SNRNP200: variants seen among roughly 807,000 people sequenced by gnomAD.
SNRNP200 encodes the protein small nuclear ribonucleoprotein U5 subunit 200, also known as U5 small nuclear ribonucleoprotein 200 kDa helicase.
In SNRNP200, 66 loss-of-function variants were observed where a neutral mutation model predicts 255.2. The observed-to-expected ratio is 0.26, with a 90% CI of 0.21 to 0.32. The LOEUF (loss-of-function observed/expected upper bound fraction) is 0.32. SNRNP200 is among the 10% of genes least tolerant of loss of function. The pLI, the probability that SNRNP200 is intolerant of heterozygous loss-of-function variation, is 1.00. For synonymous variants in SNRNP200, 939 were observed against 1,027.8 expected, an observed-to-expected ratio of 0.91 and a Z score of 1.65; for missense variants, 1,585 against 2,749.8, an observed-to-expected ratio of 0.58 and a Z score of 9.47.
chr2:96,281,469 C>A (rs548778669), intron 35 of SNRNP200: 18 of 342,468 alleles, frequency 5.3e-5, no homozygotes, highest in Admixed American at 3.9e-5. Flanking sequence ...GCGCTCGGCA[C>A]TCCTCTAGCT....
Position 96,287,301 on chromosome 2 carries a change from G to T in SNRNP200, c.3484+138C>A. The T allele has an allele frequency of 8.1e-7, 1 of 1,235,132 alleles. No individual in the cohort carries two copies. Among genetic ancestry groups the T allele is most frequent in the Non-Finnish European group, 1.2e-6 (1 of 835,444 alleles). The allele number at this position is 1,235,132 out of a possible 1,614,324, so 76.5% of individuals were successfully genotyped here. A position where few individuals can be genotyped will look rare whatever the true frequency, so the allele number is the denominator to read the frequency against. ...CCAGGATTCCAAGTCCCCAGACCAAGGGCCAGCCTGTACTTCAGTGGGACT... is the reference window on the plus strand; with the variant it reads ...CCAGGATTCCAAGTCCCCAGACCAATGGCCAGCCTGTACTTCAGTGGGACT... On this transcript the variant is annotated intron_variant, in intron 26 of 44. Transcript: ENST00000323853. This position sits in a 1 kb window ranked among gnomAD's most constrained non-coding sequence, Gnocchi z 5.7.
At chr2:96,279,687 G>A (rs1684727247) in intron 35 of SNRNP200, 128 bp from the exon 36 acceptor site, 3 of 689,842 alleles carry the variant, frequency 4.3e-6, no homozygotes, top group South Asian at 1.5e-5. Context: ...ATCACGGGAC[G>A]ACTCTGTTTA....
At chr2:96,303,088 A>T in intron 3 of SNRNP200, 71 bp downstream of exon 3, 1 of 1,522,376 alleles carries the variant, frequency 6.6e-7, no homozygotes, top group African/African-American at 1.4e-5. Context: ...CGAAGATTCC[A>T]AGGATCTTAG....
Position 96,286,915 on chromosome 2 carries a change from A to G in SNRNP200, c.3640-38T>C. ...GCAAGGGTAAAAGGAATGTGAGTCA[A>G]CGTAGACTGAGTGCCTCCAATCCAT... is the stretch of plus-strand genomic sequence containing the variant. On this transcript the variant is annotated intron_variant, in intron 27 of 44. Transcript: ENST00000323853. This position sits in a 1 kb window ranked among gnomAD's most constrained non-coding sequence, Gnocchi z 4.8. The G allele has an allele frequency of 2.5e-6, 4 of 1,614,108 alleles. No individual in the cohort carries two copies. The highest frequency in any genetic ancestry group is 3.4e-6 in the Non-Finnish European group (4 of 1,179,956).
At position 96,289,017 on chromosome 2, in the gene SNRNP200, C is replaced by T. The variant is rs1328710122; in HGVS notation, c.3174+20G>A. On this transcript the variant is annotated intron_variant, in intron 23 of 44. Coordinates refer to ENST00000323853, the MANE Select transcript of SNRNP200 (RefSeq NM_014014.5). ...CACTTAATCCTCATCCTTATCAAAG[C>T]AAAGAGGAGAGGAGCTCACCTTAGC... The T allele has an allele frequency of 1.3e-6, 2 of 1,591,246 alleles. No homozygotes were observed. The highest frequency in any genetic ancestry group is 2.3e-5 in the South Asian group (2 of 88,802).
rs2063949174 is a variant in SNRNP200, at chr2:96,301,022, A to G, written c.606T>C (p.Asn202=). The G allele has an allele frequency of 4.3e-6, 7 of 1,613,946 alleles. No individual in the cohort carries two copies. Among genetic ancestry groups the G allele is most frequent in the Admixed American group, 1.7e-5 (1 of 60,010 alleles). The change falls in exon 5 of 45, where the codon AAT becomes AAC. Residue 202 remains asparagine, a synonymous_variant. Transcript: ENST00000323853. ...DDNIDETYGV[N]VQFESDEEEG... ...CCTCCTCATCAGACTCAAACTGCAC[A>G]TTCACACCGTATGTCTCATCAATGT...
At position 96,298,298 on chromosome 2, in the gene SNRNP200, C is replaced by G. The variant is rs1342861676; in HGVS notation, c.1105G>C (p.Glu369Gln). Residue 369 changes from glutamate (E) to glutamine (Q), a missense_variant, in exon 9 of 45, where the codon GAG becomes CAG. Coordinates refer to ENST00000323853, the MANE Select transcript of SNRNP200 (RefSeq NM_014014.5). Reference protein sequence around the residue: ...FLYQLHETEKEDLIREERSRR... With the variant: ...FLYQLHETEKQDLIREERSRR... ...CCAGTCCTTACTCGGATCAGATCCTCCTTCTCGGTTTCATGAAGCTGGTAG... is the reference window on the plus strand; with the variant it reads ...CCAGTCCTTACTCGGATCAGATCCTGCTTCTCGGTTTCATGAAGCTGGTAG... 2 of 1,614,126 alleles carry G rather than the reference C, an allele frequency of 1.2e-6. No individual in the cohort carries two copies. Among genetic ancestry groups the G allele is most frequent in the Non-Finnish European group, 1.7e-6 (2 of 1,180,044 alleles).
chr2:96,275,479 A>C, intron 43 of SNRNP200, 130 bp from the exon 44 acceptor site: 1 of 797,388 alleles, frequency 1.3e-6, no homozygotes, highest in Non-Finnish European at 2.2e-6. Flanking sequence ...CCGAAATACA[A>C]TTAGATTTAA....
At chr2:96,284,749 CTTT>C in intron 30 of SNRNP200, 164 bp from the exon 31 acceptor site, 5 of 552,480 alleles carry the variant, frequency 9.1e-6, no homozygotes, top group South Asian at 2.2e-5. Flanking sequence ...GCAGCTTTTT[CTTT>C]TTTTTTTTTC....
chr2:96,275,435 G>C (rs957546261), intron 43 of SNRNP200, 86 bp from the exon 44 acceptor site: 7 of 1,147,782 alleles, frequency 6.1e-6, no homozygotes, highest in Admixed American at 1.7e-5. Flanking sequence ...ACAAAAGAGA[G>C]AACAAAAATC....
intron 7 of SNRNP200, 56 bp downstream of exon 7, chr2:96,298,759 C>T: frequency 1.9e-6 from 3 of 1,613,802 alleles, no homozygotes; most frequent in African/African-American, 2.7e-5. Context: ...ACTTCATACG[C>T]TGTCCCCATG....
At position 96,304,749 on chromosome 2, in the gene SNRNP200, C is replaced by T. The variant is rs2104366926; in HGVS notation, c.165G>A (p.Lys55=). ...GKLEGTRMGD[K]AQRTKPQMQE... ...GCATCTGCGGTTTGGTCCGTTGAGC[C>T]TTGTCTCCCATACGGGTGCCCTCCA... The change falls in exon 2 of 45, where the codon AAG becomes AAA. Residue 55 remains lysine (K), a synonymous_variant. Transcript: ENST00000323853. 19 of 1,614,182 alleles carry T rather than the reference C, an allele frequency of 1.2e-5. No individual in the cohort carries two copies. Among genetic ancestry groups the T allele is most frequent in the Non-Finnish European group, 1.6e-5 (19 of 1,180,020 alleles).
In SNRNP200 at chr2:96,283,704, T is replaced by A. The variant is rs771740670; in HGVS notation, c.4594A>T (p.Ile1532Phe). The A allele has an allele frequency of 1.2e-6, 2 of 1,614,026 alleles. No homozygotes were observed. Among genetic ancestry groups the A allele is most frequent in the Admixed American group, 1.7e-5 (1 of 60,018 alleles). The part of the protein sequence containing the change: ...PLELHIQGFN[I>F]SHTQTRLLSM... ...AGCAGGCGGGTTTGTGTATGGCTGA[T>A]GTTGAAGCCCTGGCGACCGGGGAGA... The change falls in exon 33 of 45, where the codon ATC becomes TTC. Residue 1532 changes from isoleucine to phenylalanine, a missense_variant. Physicochemically the swap from Ile to Phe is conservative, Grantham distance 21 (BLOSUM62 0). Transcript: ENST00000323853. This position sits in a 1 kb window ranked among gnomAD's most constrained non-coding sequence, Gnocchi z 4.7.
In SNRNP200 at chr2:96,286,820, T is replaced by G; in HGVS notation, c.3697A>C (p.Ile1233Leu). ...ILVEDVDSEVILHHEYFLLKA... is the reference protein window; with the variant it reads ...ILVEDVDSEVLLHHEYFLLKA... ...AGGAGAAAATACTCATGGTGCAGAATCACCTCGCTGTCCACATCCTCCACC... is the reference window on the plus strand; with the variant it reads ...AGGAGAAAATACTCATGGTGCAGAAGCACCTCGCTGTCCACATCCTCCACC... Residue 1233 changes from isoleucine to leucine, a missense_variant, in exon 28 of 45, where the codon ATT becomes CTT. Coordinates refer to ENST00000323853, the MANE Select transcript of SNRNP200 (RefSeq NM_014014.5). The surrounding 1 kb of genome is among the most constrained non-coding windows in gnomAD (Gnocchi z 4.8). 6.2e-7 allele frequency: 1 copy of G among 1,614,160 alleles called. No homozygotes were observed. The highest frequency in any genetic ancestry group is 8.5e-7 in the Non-Finnish European group (1 of 1,180,032).
Position 96,283,637 on chromosome 2 carries a change from G to A in SNRNP200, c.4661C>T (p.Ser1554Leu), listed in dbSNP as rs143666966. ...AAAGACAATGACAGGCTTCTTGGGC[G>A]AGTGCTTGGTGATAGCATGGTACAC... ...KPVYHAITKH[S>L]PKKPVIVFVP... The change falls in exon 33 of 45, where the codon TCG becomes TTG. Residue 1554 changes from serine to leucine, a missense_variant. Ser to Leu is a moderately radical substitution (Grantham distance 145, BLOSUM62 -2). Transcript: ENST00000323853. The surrounding 1 kb of genome is among the most constrained non-coding windows in gnomAD (Gnocchi z 4.7). The A allele has an allele frequency of 5.0e-6, 8 of 1,614,150 alleles. No homozygotes were observed. Among genetic ancestry groups the A allele is most frequent in the Non-Finnish European group, 6.8e-6 (8 of 1,180,034 alleles).
rs747581436 is a variant in SNRNP200, at chr2:96,290,554, G to GA, written c.2554-41dup. Reference sequence around the variant, plus strand: ...GCGAACCAAGAATGCTATGTCAAGAGAATGTCTGAATTTTGATGCAGGTAT... The same window carrying GA: ...GCGAACCAAGAATGCTATGTCAAGAGAAATGTCTGAATTTTGATGCAGGTAT... On this transcript the variant is annotated intron_variant, in intron 19 of 44. Transcript: ENST00000323853. The surrounding 1 kb of genome is among the most constrained non-coding windows in gnomAD (Gnocchi z 4.5). 1.9e-6 allele frequency: 3 copies of GA among 1,613,578 alleles called. No individual in the cohort carries two copies. In the South Asian group the frequency reaches 3.3e-5, roughly 18 times the overall value.
Position 96,275,332 on chromosome 2 carries a change from C to G in SNRNP200, c.6192G>C (p.Trp2064Cys). 6.2e-7 allele frequency: 1 copy of G among 1,613,468 alleles called. No individual in the cohort carries two copies. The highest frequency in any genetic ancestry group is 2.2e-5 in the East Asian group (1 of 44,880). ...ACTTGGCATCTCCAATCACCACCCA[C>G]CAGCCCTCTTCACGTTTCTGCAGTG... Reference protein sequence around the residue: ...PLFPQKREEGWWVVIGDAKSN... With the variant: ...PLFPQKREEGCWVVIGDAKSN... The change falls in exon 44 of 45, where the codon TGG becomes TGC. Residue 2064 changes from tryptophan to cysteine, a missense_variant. Trp to Cys is a radical substitution (Grantham distance 215). This residue lies in a region of SNRNP200 where 279 missense variants were observed against 551.2 expected (regional missense o/e 0.51). Coordinates refer to ENST00000323853, the MANE Select transcript of SNRNP200 (RefSeq NM_014014.5).
Position 96,283,165 on chromosome 2 carries a change from A to G in SNRNP200, c.4915+36T>C. On this transcript the variant is annotated intron_variant, in intron 34 of 44. Transcript: ENST00000323853. The surrounding 1 kb of genome is among the most constrained non-coding windows in gnomAD (Gnocchi z 4.7). The stretch of plus-strand genomic sequence containing the variant: ...AAGTTTAACACCACCACTTGGTGAT[A>G]CCCTTGCTATGCTCCCCTTCCGTGG... 1 of 1,612,590 alleles carries G rather than the reference A, an allele frequency of 6.2e-7. No homozygotes were observed. The highest frequency in any genetic ancestry group is 1.3e-5 in the African/African-American group (1 of 75,068).
In SNRNP200 at chr2:96,284,466, G is replaced by C; in HGVS notation, c.4284C>G (p.Thr1428=). 21 of 1,614,172 alleles carry C rather than the reference G, an allele frequency of 1.3e-5. No homozygotes were observed. The highest frequency in any genetic ancestry group is 1.8e-5 in the Non-Finnish European group (21 of 1,180,028). Residue 1428 remains threonine (T), a synonymous_variant, in exon 31 of 45, where the codon ACC becomes ACG. Coordinates refer to ENST00000323853, the MANE Select transcript of SNRNP200 (RefSeq NM_014014.5). ...GGGAAAGTATGTCCCACTTCTCAGG[G>C]GTGCTGATGATAATGTTCCCTTTGC... is the stretch of plus-strand genomic sequence containing the variant. ...LLGKGNIIIS[T]PEKWDILSRR...
Sources: gnomAD v4.1 joint callset for allele counts on GRCh38, gnomAD v4.1.1 for gene constraint, gnomAD v4.1.1 regional missense constraint, Gnocchi (gnomAD v3.1) non-coding constraint, MANE v1.5 for transcripts, NCBI Gene and HGNC (gene_info 2026-07-23, HGNC 2026-07-21) for gene names.